Variants in KDM4B observed in about 807,000 individuals in gnomAD.
KDM4B encodes the protein lysine demethylase 4B.
KDM4B carries 32 observed loss-of-function variants against 125.2 expected under a neutral mutation model. That is an observed-to-expected ratio of 0.26 (90% CI 0.19 to 0.34). KDM4B has a LOEUF of 0.34. Among genes scored for constraint, KDM4B ranks in the 10% least tolerant of loss-of-function variants. The pLI is 1.00. For synonymous variants in KDM4B, 721 were observed against 677.9 expected (o/e 1.06, Z -0.99); for missense variants, 1,190 against 1,577.7 (o/e 0.75, Z 4.16).
chr19:5,105,028 G>A (rs1200316121), intron 9 of KDM4B, among the ~76,000 whole-genome samples: 3 of 152,316 alleles, frequency 2.0e-5, no homozygotes, highest in Admixed American at 6.5e-5. Context: ...GGCTCCGTCC[G>A]GGCAGCAGGA....
chr19:5,050,895 G>A (rs111289596), intron 6 of KDM4B, among the ~76,000 whole-genome samples: 10,257 of 152,172 alleles, frequency 0.067, 442 homozygotes, highest in Middle Eastern at 0.13. Context: ...GTGAGACTCC[G>A]TCTCAAAATA....
intron 9 of KDM4B, among the ~76,000 whole-genome samples, chr19:5,098,147 G>A (rs188528091): frequency 3.0e-4 from 45 of 152,320 alleles, no homozygotes; most frequent in African/African-American, 1.0e-3. Flanking sequence ...TGTAGCCTCC[G>A]TGGCAGCCTC....
Position 5,110,867 on chromosome 19 carries a change from G to A in KDM4B, c.1115+49G>A, listed in dbSNP as rs1407799147. The A allele has an allele frequency of 2.7e-6, 4 of 1,458,414 alleles. No individual in the cohort carries two copies. In the African/African-American group the frequency reaches 5.6e-5, roughly 21 times the overall value. 90.3% of individuals were successfully genotyped at this position (1,458,414 alleles called of 1,614,324 possible). On this transcript the variant is annotated intron_variant, in intron 10 of 22. Transcript: ENST00000159111. Reference sequence around the variant, plus strand: ...GTGACTGCCCAGCATCACGGGGGGTGGCCCTGCTGGGTGGCCCAGGCCCCT... The same window carrying A: ...GTGACTGCCCAGCATCACGGGGGGTAGCCCTGCTGGGTGGCCCAGGCCCCT...
Position 5,062,775 on chromosome 19 carries a change from G to GTTT in KDM4B, c.627-8215_627-8213dup, listed in dbSNP as rs34134889. On this transcript the variant is annotated intron_variant, in intron 6 of 22. Coordinates refer to ENST00000159111, the MANE Select transcript of KDM4B (RefSeq NM_015015.3). Reference sequence around the variant, plus strand: ...TAGAAACTTATGTTATAATTAAACTGTTTTTTTTTTTTTTTTTTTTTTAGA... The same window carrying GTTT: ...TAGAAACTTATGTTATAATTAAACTGTTTTTTTTTTTTTTTTTTTTTTTTTAGA... Among the ~76,000 whole-genome samples the GTTT allele has an allele frequency of 2.4e-3, 217 of 89,750 alleles. 4 individuals are homozygous for GTTT. The highest frequency in any genetic ancestry group is 7.3e-3 in the East Asian group (21 of 2,892). The allele number at this position is 89,750 out of a possible 152,430, so 58.9% of individuals were successfully genotyped here.
intron 21 of KDM4B, among the ~76,000 whole-genome samples, chr19:5,149,205 G>A (rs990394554): frequency 3.3e-5 from 5 of 152,220 alleles, no homozygotes; most frequent in Non-Finnish European, 5.9e-5. Context: ...GGGCCCCCCC[G>A]CTGCACACTA....
intron 9 of KDM4B, among the ~76,000 whole-genome samples, chr19:5,092,623 G>A (rs899952233): frequency 1.3e-5 from 2 of 152,174 alleles, no homozygotes; most frequent in Non-Finnish European, 2.9e-5. Context: ...GAGCTGGTTC[G>A]GGGGCTGCAG....
At chr19:5,087,700 C>T (rs1350378006) in intron 9 of KDM4B, among the ~76,000 whole-genome samples, 1 of 152,216 alleles carries the variant, frequency 6.6e-6, no homozygotes, top group African/African-American at 2.4e-5. Context: ...CTGCTCATCT[C>T]TGTGCCACTT....
At chr19:5,044,225 G>A (rs2531135) in intron 5 of KDM4B, among the ~76,000 whole-genome samples, 2 of 36,070 alleles carry the variant, frequency 5.5e-5, no homozygotes, top group South Asian at 1.3e-3. Context: ...ACCTTATCCC[G>A]CGTGGTGTTT....
At chr19:5,036,921 C>T (rs1413941035) in intron 3 of KDM4B, among the ~76,000 whole-genome samples, 1 of 152,258 alleles carries the variant, frequency 6.6e-6, no homozygotes, top group Non-Finnish European at 1.5e-5. Flanking sequence ...CAGCACCTGC[C>T]TGGGCTGTGT....
chr19:4,987,479 G>A (rs1010524052), intron 1 of KDM4B, among the ~76,000 whole-genome samples: 5 of 152,132 alleles, frequency 3.3e-5, no homozygotes, highest in Admixed American at 6.5e-5. Context: ...CTTCCCGGCC[G>A]GAGGGGGGTT....
intron 1 of KDM4B, among the ~76,000 whole-genome samples, chr19:4,980,583 C>G (rs1335202607): frequency 6.6e-6 from 1 of 151,866 alleles, no homozygotes; most frequent in Non-Finnish European, 1.5e-5. Flanking sequence ...GCCACCACAC[C>G]CGGCTAATTT....
rs1221088520 is a variant in KDM4B at position 5,137,490 on chromosome 19, C to T, written c.2386-131C>T. On this transcript the variant is annotated intron_variant, in intron 16 of 22. Transcript: ENST00000159111. ...GGGTGGAACCCAAGGGATTCCCACC[C>T]GTCACTTTGGTGGCTGCTAGGTTGA... 2.0e-5 allele frequency: 24 copies of T among 1,212,286 alleles called. No homozygotes were observed. The South Asian group carries it at 2.2e-4, about 11-fold the overall frequency. The allele number at this position is 1,212,286 out of a possible 1,614,324, so 75.1% of individuals were successfully genotyped here. A position where few individuals can be genotyped will look rare whatever the true frequency, so the allele number is the denominator to read the frequency against.
At chr19:5,062,290 CTT>C (rs1224932014) in intron 6 of KDM4B, among the ~76,000 whole-genome samples, 1 of 152,248 alleles carries the variant, frequency 6.6e-6, no homozygotes, top group Non-Finnish European at 1.5e-5. Context: ...TTTCTAACAT[CTT>C]TATCTCTCCA....
At chr19:4,975,037 G>A (rs1049296651) in intron 1 of KDM4B, among the ~76,000 whole-genome samples, 3 of 152,068 alleles carry the variant, frequency 2.0e-5, no homozygotes, top group East Asian at 1.9e-4. Flanking sequence ...CCACCCAGCC[G>A]GCTCCTTATC....
At chr19:5,150,281 C>G (rs2039923579) in intron 21 of KDM4B, 77 bp from the exon 22 acceptor site, 2 of 1,273,118 alleles carry the variant, frequency 1.6e-6, no homozygotes, top group South Asian at 2.6e-5. Flanking sequence ...GGCCTCCCAG[C>G]TCTTGAGGCC....
At chr19:5,064,536 C>G (rs2037708296) in intron 6 of KDM4B, among the ~76,000 whole-genome samples, 2 of 152,194 alleles carry the variant, frequency 1.3e-5, no homozygotes, top group Admixed American at 1.3e-4. Context: ...CTGGCAGGAG[C>G]TGTCAGGCTG....
chr19:5,042,167 G>A (rs1187953481), intron 5 of KDM4B, among the ~76,000 whole-genome samples: 1 of 152,192 alleles, frequency 6.6e-6, no homozygotes, highest in East Asian at 1.9e-4. Context: ...TCTTGGAGAT[G>A]GGCCCTAAGT....
intron 6 of KDM4B, among the ~76,000 whole-genome samples, 174 bp downstream of exon 6, chr19:5,047,843 G>C (rs914724880): frequency 1.3e-5 from 2 of 152,182 alleles, no homozygotes. Context: ...ACCAGCTTTG[G>C]GGTGGGGGAT....
intron 1 of KDM4B, among the ~76,000 whole-genome samples, chr19:4,995,037 T>C (rs769554565): frequency 6.6e-6 from 1 of 152,226 alleles, no homozygotes; most frequent in Non-Finnish European, 1.5e-5. Context: ...CTGATGTGTT[T>C]GTTTGCCTGA....
Sources: gnomAD v4.1 joint callset for allele counts (sites outside exome capture counted in the v4.1 genomes callset) on GRCh38, gnomAD v4.1.1 for gene constraint, MANE v1.5 for transcripts, NCBI Gene and HGNC (gene_info 2026-07-23, HGNC 2026-07-21) for gene names.